RUNX1: variants seen among roughly 807,000 people sequenced by gnomAD.
The protein encoded by RUNX1 is RUNX family transcription factor 1.
RUNX1 carries 19 observed loss-of-function variants against 42.8 expected under a neutral mutation model. The observed-to-expected ratio is 0.44, with a 90% CI of 0.31 to 0.65. RUNX1 has a LOEUF of 0.65. Ranked by LOEUF, RUNX1 falls within the 30% of genes least tolerant of loss-of-function variation. The pLI, the probability that RUNX1 is intolerant of heterozygous loss-of-function variation, is 0.07. For synonymous variants in RUNX1, 271 were observed against 289.4 expected (o/e 0.94, Z 0.64); for missense variants, 528 against 672.0 (o/e 0.79, Z 2.37).
At chr21:34,968,754 G>C (rs1267145656) in intron 2 of RUNX1, among the ~76,000 whole-genome samples, 1 of 152,120 alleles carries the variant, frequency 6.6e-6, no homozygotes, top group African/African-American at 2.4e-5. Context: ...CTGATCTGTG[G>C]AAAACTTCTA....
chr21:34,892,079 T>C (rs1382560928), intron 3 of RUNX1, among the ~76,000 whole-genome samples: 1 of 152,214 alleles, frequency 6.6e-6, no homozygotes, highest in Admixed American at 6.5e-5. Flanking sequence ...GCAATATATT[T>C]CCAAAATCAC....
intron 7 of RUNX1, among the ~76,000 whole-genome samples, chr21:34,825,599 C>T (rs2056975408): frequency 6.6e-6 from 1 of 152,150 alleles, no homozygotes; most frequent in Non-Finnish European, 1.5e-5. Flanking sequence ...GGGGGATGGA[C>T]TTGGGAGAGT....
At chr21:34,874,486 G>A (rs1232861870) in intron 5 of RUNX1, among the ~76,000 whole-genome samples, 1 of 151,412 alleles carries the variant, frequency 6.6e-6, no homozygotes, top group East Asian at 1.9e-4. Flanking sequence ...GTGGATGCCT[G>A]TAATCCCCAG....
At chr21:35,013,046 C>T (rs1314710289) in intron 2 of RUNX1, among the ~76,000 whole-genome samples, 1 of 152,092 alleles carries the variant, frequency 6.6e-6, no homozygotes, top group East Asian at 1.9e-4. Context: ...TTTGCTGAGC[C>T]CTGATTTAAA....
intron 2 of RUNX1, among the ~76,000 whole-genome samples, chr21:34,924,034 T>C (rs142024605): frequency 3.3e-5 from 5 of 152,292 alleles, no homozygotes; most frequent in African/African-American, 1.2e-4. Flanking sequence ...CATTTTTGTG[T>C]TTTCATACGT....
At chr21:35,012,866 G>C (rs148581530) in intron 2 of RUNX1, among the ~76,000 whole-genome samples, 170 of 152,204 alleles carry the variant, frequency 1.1e-3, no homozygotes, top group African/African-American at 3.9e-3. Flanking sequence ...TAAAATGTCA[G>C]ACAATAAATA....
rs1046862110 is a variant in RUNX1 at position 34,788,578 on chromosome 21, G to A, written c.*3557C>T. 2.6e-5 allele frequency: 6 copies of A among 232,740 alleles called. No individual in the cohort carries two copies. The highest frequency in any genetic ancestry group is 5.1e-5 in the Non-Finnish European group (6 of 117,752). 14.4% of individuals were successfully genotyped at this position (232,740 alleles called of 1,614,324 possible). The stretch of plus-strand genomic sequence containing the variant: ...CAAAAAAATTGAAAAAAAGTTATAG[G>A]CATTAACAATATTTTATAATGAAGC... On this transcript the variant is annotated 3_prime_UTR_variant, in exon 9 of 9. Transcript: ENST00000675419.
intron 5 of RUNX1, among the ~76,000 whole-genome samples, chr21:34,875,426 T>C (rs897694444): frequency 6.6e-6 from 1 of 152,230 alleles, no homozygotes; most frequent in South Asian, 2.1e-4. Context: ...TATTCATCTA[T>C]ATTTGCTTGC....
At chr21:34,801,575 C>G (rs2056608495) in intron 7 of RUNX1, among the ~76,000 whole-genome samples, 1 of 151,936 alleles carries the variant, frequency 6.6e-6, no homozygotes. Flanking sequence ...CACACCATAA[C>G]TTAGCTTTTC....
intron 6 of RUNX1, among the ~76,000 whole-genome samples, chr21:34,841,103 A>G (rs752620092): frequency 2.6e-5 from 4 of 152,156 alleles, no homozygotes; most frequent in Non-Finnish European, 2.9e-5. Flanking sequence ...GTTGGAAAAC[A>G]ATGAGACATC....
chr21:34,792,009 T>G lies in RUNX1; in HGVS notation c.*126A>C. On this transcript the variant is annotated 3_prime_UTR_variant, in exon 9 of 9. Coordinates refer to ENST00000675419, the MANE Select transcript of RUNX1 (RefSeq NM_001754.5). This position sits in a 1 kb window ranked among gnomAD's most constrained non-coding sequence, Gnocchi z 6.9. ...GCGAGATCCTGGCCGTCGGGCGCCC[T>G]CGGCCCCAGGACGGTGGCCGGGCCC... 1.8e-6 allele frequency: 1 copy of G among 568,952 alleles called. No homozygotes were observed. 35.2% of individuals were successfully genotyped at this position (568,952 alleles called of 1,614,324 possible). A position where few individuals can be genotyped will look rare whatever the true frequency, so the allele number is the denominator to read the frequency against.
chr21:34,968,099 G>A (rs2834702), intron 2 of RUNX1, among the ~76,000 whole-genome samples: 90,000 of 152,032 alleles, frequency 0.59, 27,452 homozygotes, highest in Admixed American at 0.67. Flanking sequence ...GTCCCCAGGA[G>A]GCAGGTTGCA....
At chr21:34,961,845 T>C (rs1264529613) in intron 2 of RUNX1, among the ~76,000 whole-genome samples, 2 of 152,234 alleles carry the variant, frequency 1.3e-5, no homozygotes, top group Admixed American at 6.5e-5. Context: ...TCTGTCAGTA[T>C]GCATTCTGGT....
At chr21:34,946,359 G>A (rs2058563131) in intron 2 of RUNX1, among the ~76,000 whole-genome samples, 1 of 152,112 alleles carries the variant, frequency 6.6e-6, no homozygotes, top group Non-Finnish European at 1.5e-5. Context: ...GGCTTGGGGG[G>A]AGGTTCAGAT....
chr21:34,924,226 C>T (rs963564832), intron 2 of RUNX1, among the ~76,000 whole-genome samples: 20 of 152,192 alleles, frequency 1.3e-4, no homozygotes, highest in African/African-American at 4.1e-4. Flanking sequence ...TCCTTCAATT[C>T]ATTTCAACTA....
At position 34,792,682 on chromosome 21, in the gene RUNX1, C is replaced by G; in HGVS notation, c.968-72G>C. On this transcript the variant is annotated intron_variant, in intron 8 of 8. Transcript: ENST00000675419. This position sits in a 1 kb window ranked among gnomAD's most constrained non-coding sequence, Gnocchi z 6.9. ...GGAGGCCACAGCTCTTCCCTCTGCC[C>G]CAGGGGGCTACCCAGGATGATACCG... 2.2e-6 allele frequency: 3 copies of G among 1,393,250 alleles called. No homozygotes were observed. The highest frequency in any genetic ancestry group is 2.9e-6 in the Non-Finnish European group (3 of 1,028,572). The allele number at this position is 1,393,250 out of a possible 1,614,324, so 86.3% of individuals were successfully genotyped here. A position where few individuals can be genotyped will look rare whatever the true frequency, so the allele number is the denominator to read the frequency against.
chr21:34,866,128 G>A (rs942467910), intron 5 of RUNX1, among the ~76,000 whole-genome samples: 1 of 152,154 alleles, frequency 6.6e-6, no homozygotes, highest in African/African-American at 2.4e-5. Context: ...AGTTTCAGGG[G>A]ATGTGAAACT....
chr21:34,931,070 A>G (rs1218691460), intron 2 of RUNX1, among the ~76,000 whole-genome samples: 2 of 152,224 alleles, frequency 1.3e-5, no homozygotes, highest in East Asian at 3.9e-4. Flanking sequence ...TTTGTTGTCT[A>G]GTAGAAGGAT....
intron 6 of RUNX1, among the ~76,000 whole-genome samples, chr21:34,837,925 A>G (rs780906901): frequency 2.6e-5 from 4 of 152,252 alleles, no homozygotes; most frequent in Non-Finnish European, 4.4e-5. Context: ...GAAAAAAATG[A>G]AAGTACTTGC....
Sources: allele counts gnomAD v4.1 joint callset (sites outside exome capture counted in the v4.1 genomes callset), GRCh38; gene constraint gnomAD v4.1.1; non-coding constraint Gnocchi (gnomAD v3.1); transcripts MANE v1.5; gene names NCBI Gene and HGNC (gene_info 2026-07-23, HGNC 2026-07-21).